The following PTPRM variants were observed in gnomAD, a reference collection of about 807,000 sequenced individuals.
PTPRM encodes the protein protein tyrosine phosphatase receptor type M, also known as receptor-type tyrosine-protein phosphatase mu.
In PTPRM, 47 loss-of-function variants were observed where a neutral mutation model predicts 186.7. The ratio of observed to expected loss-of-function variants is 0.25; its 90% CI spans 0.20 to 0.32. The LOEUF (loss-of-function observed/expected upper bound fraction) is 0.32, where lower values mean the gene tolerates loss of function less well. PTPRM is among the 10% of genes least tolerant of loss of function. The pLI is 1.00. For synonymous variants in PTPRM, 668 were observed against 674.9 expected (o/e 0.99, Z 0.16); for missense variants, 1,494 against 1,865.0 (o/e 0.80, Z 3.66).
intron 2 of PTPRM, among the ~76,000 whole-genome samples, chr18:7,855,451 A>G (rs531448252): frequency 1.2e-4 from 19 of 152,192 alleles, no homozygotes; most frequent in Non-Finnish European, 2.4e-4. Context: ...TGTGACTTCC[A>G]TGGAACATGC....
At chr18:8,051,886 G>A (rs492841) in intron 7 of PTPRM, among the ~76,000 whole-genome samples, 98,380 of 152,086 alleles carry the variant, frequency 0.65, 32,048 homozygotes, top group African/African-American at 0.71. Flanking sequence ...ATGTATTTTC[G>A]TTGTTACATG....
intron 7 of PTPRM, among the ~76,000 whole-genome samples, chr18:8,036,500 G>A (rs566022419): frequency 1.6e-3 from 244 of 152,288 alleles, no homozygotes; most frequent in African/African-American, 5.5e-3. Flanking sequence ...CAAGGGAGGA[G>A]GATTGGCTAA....
chr18:8,096,952 A>G (rs1245299877), intron 11 of PTPRM, among the ~76,000 whole-genome samples: 1 of 152,208 alleles, frequency 6.6e-6, no homozygotes, highest in Non-Finnish European at 1.5e-5. Context: ...ACTGAGGACG[A>G]CCAACTCAGA....
chr18:7,661,808 AG>A (rs1278651188), intron 1 of PTPRM, among the ~76,000 whole-genome samples: 1 of 152,178 alleles, frequency 6.6e-6, no homozygotes, highest in Non-Finnish European at 1.5e-5. Flanking sequence ...TCTGATGGTG[AG>A]GAGCAATGTG....
chr18:8,296,605 A>G, intron 20 of PTPRM, 150 bp downstream of exon 20: 1 of 590,564 alleles, frequency 1.7e-6, no homozygotes, highest in Non-Finnish European at 3.0e-6. Context: ...TACTAAAGAA[A>G]GGAATAACTG....
intron 2 of PTPRM, among the ~76,000 whole-genome samples, chr18:7,875,860 A>G (rs2048214957): frequency 6.6e-6 from 1 of 152,184 alleles, no homozygotes; most frequent in Non-Finnish European, 1.5e-5. Context: ...CGAACATGAT[A>G]GAGTGCACTT....
intron 19 of PTPRM, among the ~76,000 whole-genome samples, chr18:8,283,090 G>C (rs1325823121): frequency 1.3e-5 from 2 of 152,102 alleles, no homozygotes; most frequent in Non-Finnish European, 2.9e-5. Context: ...CCTATTCAGA[G>C]ATTCCACAAG....
intron 23 of PTPRM, 52 bp downstream of exon 23, chr18:8,343,572 A>T (rs752677539): frequency 5.2e-6 from 8 of 1,537,666 alleles, no homozygotes; most frequent in Non-Finnish European, 5.4e-6. Flanking sequence ...CTTAGTTGGT[A>T]ACAGAAAGTA....
intron 1 of PTPRM, among the ~76,000 whole-genome samples, chr18:7,598,439 C>T (rs984813095): frequency 1.3e-5 from 2 of 152,222 alleles, no homozygotes; most frequent in Non-Finnish European, 2.9e-5. Context: ...CTACTGAGCA[C>T]GTCTACGTGT....
intron 3 of PTPRM, among the ~76,000 whole-genome samples, chr18:7,899,942 GA>G (rs1459505502): frequency 6.6e-6 from 1 of 152,162 alleles, no homozygotes; most frequent in Non-Finnish European, 1.5e-5. Flanking sequence ...TGATATAATT[GA>G]AAACAAGTCA....
At chr18:7,638,212 A>AGAGGTCCAGAATAAAGTATCTGAGAAAGC (rs2038364224) in intron 1 of PTPRM, among the ~76,000 whole-genome samples, 1 of 152,212 alleles carries the variant, frequency 6.6e-6, no homozygotes, top group African/African-American at 2.4e-5. Flanking sequence ...ATTAGTAGAA[A>AGAGGTCCAGAATAAAGTATCTGAGAAAGC]GAGGTCCAGA....
intron 22 of PTPRM, among the ~76,000 whole-genome samples, chr18:8,324,192 A>G (rs1351278502): frequency 5.9e-5 from 9 of 152,322 alleles, no homozygotes; most frequent in Non-Finnish European, 5.9e-5. Context: ...CATTCCTGAA[A>G]GCATCAAAAT....
At chr18:8,066,188 G>A (rs982536309) in intron 7 of PTPRM, among the ~76,000 whole-genome samples, 1 of 152,196 alleles carries the variant, frequency 6.6e-6, no homozygotes, top group African/African-American at 2.4e-5. Flanking sequence ...AATTTGCTTA[G>A]TATGAGAATT....
intron 7 of PTPRM, among the ~76,000 whole-genome samples, chr18:8,022,348 C>A (rs2085286825): frequency 6.6e-6 from 1 of 152,230 alleles, no homozygotes. Context: ...TGCTACACCC[C>A]ACATGAGTAA....
At chr18:7,870,513 G>C (rs1205595888) in intron 2 of PTPRM, among the ~76,000 whole-genome samples, 1 of 152,100 alleles carries the variant, frequency 6.6e-6, no homozygotes, top group Non-Finnish European at 1.5e-5. Context: ...GACGACATCT[G>C]TTTTGGCTGC....
intron 13 of PTPRM, among the ~76,000 whole-genome samples, chr18:8,129,732 G>C (rs2092456847): frequency 6.6e-6 from 1 of 152,196 alleles, no homozygotes; most frequent in Non-Finnish European, 1.5e-5. Context: ...AGAATGGAAA[G>C]GAAGTCAGAA....
intron 22 of PTPRM, among the ~76,000 whole-genome samples, chr18:8,342,091 G>A (rs1318509167): frequency 1.3e-5 from 2 of 152,140 alleles, no homozygotes; most frequent in African/African-American, 4.8e-5. Context: ...GTGTTGTGGA[G>A]AGAAAGGAAG....
chr18:7,880,751 A>G (rs957622802), intron 2 of PTPRM, among the ~76,000 whole-genome samples: 1 of 152,170 alleles, frequency 6.6e-6, no homozygotes, highest in African/African-American at 2.4e-5. Flanking sequence ...CATATTCTTT[A>G]GGAGCTGTGT....
intron 1 of PTPRM, among the ~76,000 whole-genome samples, chr18:7,712,660 T>G (rs4798585): frequency 0.37 from 56,804 of 151,544 alleles, 12,354 homozygotes; most frequent in East Asian, 0.83. Flanking sequence ...ATAACCAGTT[T>G]AGAGAAGAAC....
Sources: allele counts gnomAD v4.1 joint callset (sites outside exome capture counted in the v4.1 genomes callset), GRCh38; gene constraint gnomAD v4.1.1; transcripts MANE v1.5; gene names NCBI Gene and HGNC (gene_info 2026-07-23, HGNC 2026-07-21).